RS1: variants seen among roughly 807,000 people sequenced by gnomAD.
The protein encoded by RS1 is retinoschisin.
In RS1, 2 loss-of-function variants were observed where a neutral mutation model predicts 20.8. That is an observed-to-expected ratio of 0.10 (90% CI 0.04 to 0.30). The LOEUF (loss-of-function observed/expected upper bound fraction) is 0.30, where lower values mean the gene tolerates loss of function less well. Among genes scored for constraint, RS1 ranks in the 10% least tolerant of loss-of-function variants. The pLI is 1.00. For missense variants in RS1, 151 were observed against 189.8 expected, an observed-to-expected ratio of 0.80 and a Z score of 1.20; for synonymous variants, 70 against 75.8, an observed-to-expected ratio of 0.92 and a Z score of 0.40.
intron 1 of RS1, 141 bp downstream of exon 1, chrX:18,671,876 A>G (rs1262422046): frequency 3.5e-6 from 2 of 576,814 alleles, no homozygotes; most frequent in East Asian, 3.7e-5. Flanking sequence ...ACTGTTGTTC[A>G]TTAATAACAC....
At position 18,646,060 on chromosome X, in the gene RS1, C is replaced by A. The variant is rs267608664; in HGVS notation, c.326+1131G>T. 4 of 1,212,004 alleles carry A rather than the reference C, an allele frequency of 3.3e-6. No homozygotes were observed. The Admixed American group carries it at 8.7e-5, about 26-fold the overall frequency. ...ACACCATTCTGGACCCCAAGATAGA[C>A]GCTTCATGTTAAGGACGACAGAACA... On this transcript the variant is annotated intron_variant, in intron 4 of 5. Transcript: ENST00000379984.
chrX:18,671,505 G>GT (rs1236691991), intron 1 of RS1, among the ~76,000 whole-genome samples: 1 of 111,703 alleles, frequency 9.0e-6, no homozygotes, highest in Non-Finnish European at 1.9e-5. Flanking sequence ...GTTGGATTAT[G>GT]TTTTTTATTA....
At chrX:18,669,487 C>CAAAAAAAAA (rs386416704) in intron 1 of RS1, among the ~76,000 whole-genome samples, 1 of 58,898 alleles carries the variant, frequency 1.7e-5, no homozygotes, top group African/African-American at 7.3e-5. Context: ...GTGAAATTCT[C>CAAAAAAAAA]AAAAAAAAAA....
In RS1 at chrX:18,640,328, TGTC is replaced by T. The variant is rs1569228063; in HGVS notation, c.*1673_*1675del. On this transcript the variant is annotated 3_prime_UTR_variant, in exon 6 of 6. Transcript: ENST00000379984. ...TACTGCCATTTTGTCTGACAGTCCA[TGTC>T]GTGACCAAAGTTAATTCACCTTTCC... 1 of 110,059 alleles carries T rather than the reference TGTC, an allele frequency of 9.1e-6. No individual in the cohort carries two copies. Among genetic ancestry groups the T allele is most frequent in the Non-Finnish European group, 1.9e-5 (1 of 52,768 alleles). 9.1% of individuals were successfully genotyped at this position (110,059 alleles called of 1,213,427 possible).
intron 5 of RS1, among the ~76,000 whole-genome samples, chrX:18,643,356 C>A (rs746718509): frequency 6.3e-5 from 7 of 111,288 alleles, no homozygotes; most frequent in Non-Finnish European, 1.1e-4. Context: ...TGCCTTTCTC[C>A]GCAGTGGCAC....
In RS1 at chrX:18,641,815, A is replaced by G. The variant is rs1324902350; in HGVS notation, c.*189T>C. 59 of 442,599 alleles carry G rather than the reference A, an allele frequency of 1.3e-4. No homozygotes were observed. Among genetic ancestry groups the G allele is most frequent in the Admixed American group, 2.4e-4 (6 of 24,820 alleles). The allele number at this position is 442,599 out of a possible 1,213,427, so 36.5% of individuals were successfully genotyped here. On this transcript the variant is annotated 3_prime_UTR_variant, in exon 6 of 6. Coordinates refer to ENST00000379984, the MANE Select transcript of RS1 (RefSeq NM_000330.4). ...GACTTTCTCTGGCCCTGAGTGGGGA[A>G]TAAGTTCATTTTTATTTCATTGAAA...
intron 1 of RS1, among the ~76,000 whole-genome samples, chrX:18,669,008 A>C (rs1434340519): frequency 8.9e-6 from 1 of 112,246 alleles, no homozygotes; most frequent in Non-Finnish European, 1.9e-5. Flanking sequence ...CTTTAAAAAA[A>C]CCCCTGCAAT....
chrX:18,652,395 G>A (rs1227201903), intron 3 of RS1, among the ~76,000 whole-genome samples: 2 of 112,464 alleles, frequency 1.8e-5, no homozygotes, highest in Non-Finnish European at 3.8e-5. Flanking sequence ...AAGGCTGGGT[G>A]CAGTGGCTCA....
intron 3 of RS1, among the ~76,000 whole-genome samples, chrX:18,653,262 C>T (rs767272793): frequency 1.4e-4 from 16 of 111,708 alleles, no homozygotes; most frequent in South Asian, 3.8e-4. Context: ...CTTGGCTCAA[C>T]GGTGGAAGAG....
Position 18,653,485 on chromosome X carries a change from CAGGTAAACCA to C in RS1, c.184+3158_184+3167del, listed in dbSNP as rs1363899499. ...GAGGGAAGCCCTGATTCACAGGGCCCAGGTAAACCAAGCTGCGCTCCTGACATACCATGAG... is the reference window on the plus strand; with the variant it reads ...GAGGGAAGCCCTGATTCACAGGGCCCAGCTGCGCTCCTGACATACCATGAG... On this transcript the variant is annotated intron_variant, in intron 3 of 5. Transcript: ENST00000379984. 2.5e-6 allele frequency: 3 copies of C among 1,211,673 alleles called. No individual in the cohort carries two copies.
intron 1 of RS1, among the ~76,000 whole-genome samples, chrX:18,669,487 C>CA (rs386416704): frequency 0.021 from 1,233 of 58,877 alleles, 69 homozygotes; most frequent in Admixed American, 0.14. Context: ...GTGAAATTCT[C>CA]AAAAAAAAAA....
chrX:18,646,528 C>A (rs1256832712), intron 4 of RS1, among the ~76,000 whole-genome samples: 1 of 112,515 alleles, frequency 8.9e-6, no homozygotes, highest in Non-Finnish European at 1.9e-5. Context: ...CTCTTTGTTA[C>A]AACAGCATGA....
At chrX:18,653,614 A>C in intron 3 of RS1, 1 of 1,129,580 alleles carries the variant, frequency 8.9e-7, no homozygotes, top group Non-Finnish European at 1.2e-6. Context: ...ATTAACACCA[A>C]TGAATCAACC....
chrX:18,661,053 T>G (rs1337192430), intron 1 of RS1, among the ~76,000 whole-genome samples: 1 of 111,898 alleles, frequency 8.9e-6, no homozygotes, highest in Non-Finnish European at 1.9e-5. Context: ...GCAATGAAGG[T>G]TAGGGAGCGC....
chrX:18,646,754 C>T (rs969383435), intron 4 of RS1, among the ~76,000 whole-genome samples: 3 of 111,193 alleles, frequency 2.7e-5, no homozygotes, highest in African/African-American at 9.8e-5. Flanking sequence ...CCTGCTGTAC[C>T]CCACGCCTCT....
At chrX:18,647,986 G>A (rs994608984) in intron 3 of RS1, among the ~76,000 whole-genome samples, 14 of 111,657 alleles carry the variant, frequency 1.3e-4, no homozygotes, top group African/African-American at 3.9e-4. Flanking sequence ...CCCAAAGGTG[G>A]TTCTTCTGTG....
At chrX:18,653,565 G>C in intron 3 of RS1, 1 of 1,206,203 alleles carries the variant, frequency 8.3e-7, no homozygotes. Flanking sequence ...CCTGCGGCTG[G>C]TCCCAATGCC....
At chrX:18,653,385 G>T in intron 3 of RS1, 1 of 1,199,643 alleles carries the variant, frequency 8.3e-7, no homozygotes, top group Non-Finnish European at 1.1e-6. Flanking sequence ...ACCTGCTAGC[G>T]CTCCTGGCAG....
chrX:18,643,829 A>T (rs1410243204), intron 5 of RS1, among the ~76,000 whole-genome samples: 1 of 105,895 alleles, frequency 9.4e-6, no homozygotes, highest in South Asian at 4.1e-4. Flanking sequence ...ATTCATAGCA[A>T]ATATATATAT....
Sources: allele counts gnomAD v4.1 joint callset (sites outside exome capture counted in the v4.1 genomes callset), GRCh38; gene constraint gnomAD v4.1.1; transcripts MANE v1.5; gene names NCBI Gene and HGNC (gene_info 2026-07-23, HGNC 2026-07-21).